Variants in ZDHHC7 observed in about 807,000 individuals in gnomAD.
ZDHHC7 encodes the protein zDHHC palmitoyltransferase 7.
A neutral mutation model predicts 34.1 loss-of-function variants in ZDHHC7; 12 were observed. The ratio of observed to expected loss-of-function variants is 0.35; its 90% confidence interval spans 0.23 to 0.57. The LOEUF (loss-of-function observed/expected upper bound fraction) is 0.57. ZDHHC7 is among the 20% of genes least tolerant of loss of function. The pLI, the probability that ZDHHC7 is intolerant of heterozygous loss-of-function variation, is 0.84. For missense variants in ZDHHC7, 388 were observed against 402.7 expected, an observed-to-expected ratio of 0.96 and a Z score of 0.31; for synonymous variants, 185 against 155.4, an observed-to-expected ratio of 1.19 and a Z score of -1.42.
chr16:84,986,848 G>A (rs1476701630), intron 3 of ZDHHC7, among the ~76,000 whole-genome samples: 1 of 152,222 alleles, frequency 6.6e-6, no homozygotes, highest in African/African-American at 2.4e-5. Flanking sequence ...CAGAGGTGAT[G>A]TGATGGTTCT....
At chr16:84,999,453 C>A (rs1339767002) in intron 1 of ZDHHC7, among the ~76,000 whole-genome samples, 2 of 152,122 alleles carry the variant, frequency 1.3e-5, no homozygotes, top group African/African-American at 4.8e-5. Context: ...TACCCCCAAA[C>A]TGAAAACAAC....
At chr16:84,991,551 G>A (rs925622673) in intron 2 of ZDHHC7, among the ~76,000 whole-genome samples, 4 of 152,058 alleles carry the variant, frequency 2.6e-5, no homozygotes, top group Non-Finnish European at 5.9e-5. Flanking sequence ...GCCTCCCAAA[G>A]TGCTGGGATT....
chr16:85,003,967 TC>T (rs1479365248), intron 1 of ZDHHC7, among the ~76,000 whole-genome samples: 1 of 152,090 alleles, frequency 6.6e-6, no homozygotes, highest in Non-Finnish European at 1.5e-5. Context: ...TCCTCGGCCT[TC>T]CCTTCATCTA....
chr16:84,991,296 C>CT (rs962932479), intron 2 of ZDHHC7, among the ~76,000 whole-genome samples: 7 of 151,816 alleles, frequency 4.6e-5, no homozygotes, highest in African/African-American at 7.3e-5. Flanking sequence ...CTATTTTAAT[C>CT]TTTTTTTTGA....
At chr16:84,979,947 ACCT>A (rs2072345127) in intron 4 of ZDHHC7, among the ~76,000 whole-genome samples, 1 of 123,386 alleles carries the variant, frequency 8.1e-6, no homozygotes, top group African/African-American at 3.7e-5. Context: ...TCATAGCGTC[ACCT>A]TTTTTTTTTT....
upstream of ZDHHC7, among the ~76,000 whole-genome samples, chr16:85,013,231 C>T (rs2072816993): frequency 6.6e-6 from 1 of 152,026 alleles, no homozygotes; most frequent in Admixed American, 6.6e-5. Context: ...AAGTATTGTT[C>T]TTTTATTATT....
chr16:85,021,877 C>T, the ZDHHC7 span, among the ~76,000 whole-genome samples: 12 of 151,920 alleles, frequency 7.9e-5, no homozygotes, highest in East Asian at 2.3e-3. Flanking sequence ...CAAAGACAGG[C>T]CGGGCGCAGT....
rs1003436220 is a variant in ZDHHC7, at chr16:85,009,533, G to T, written c.-104+1753C>A. Reference sequence around the variant, plus strand: ...CATTGTTACTTAGCGAATCCTTTGGGAATTACCTTTTCAAATAGTCTTCTT... The same window carrying T: ...CATTGTTACTTAGCGAATCCTTTGGTAATTACCTTTTCAAATAGTCTTCTT... On this transcript the variant is annotated intron_variant, in intron 1 of 7. Coordinates refer to ENST00000313732, the MANE Select transcript of ZDHHC7 (RefSeq NM_017740.3). Among the ~76,000 whole-genome samples, 3 of 150,858 alleles carry T rather than the reference G, an allele frequency of 2.0e-5. No homozygotes were observed. In the East Asian group the frequency reaches 5.8e-4, roughly 29 times the overall value.
intron 3 of ZDHHC7, chr16:84,988,650 A>C: frequency 1.1e-6 from 1 of 881,084 alleles, no homozygotes; most frequent in Middle Eastern, 3.4e-4. Context: ...GAGTAGCTGT[A>C]GAGTCTGAGC....
chr16:84,982,725 C>T (rs1306894925), intron 3 of ZDHHC7, among the ~76,000 whole-genome samples: 5 of 152,252 alleles, frequency 3.3e-5, no homozygotes, highest in African/African-American at 2.4e-5. Flanking sequence ...CCACCTGACC[C>T]GATTCATGTC....
chr16:84,996,959 G>A (rs1462258760), intron 1 of ZDHHC7, among the ~76,000 whole-genome samples: 1 of 151,600 alleles, frequency 6.6e-6, no homozygotes, highest in Non-Finnish European at 1.5e-5. Flanking sequence ...CCACGAGGCG[G>A]AGGTTGCAGT....
chr16:84,978,916 T>C (rs944008192), intron 5 of ZDHHC7, among the ~76,000 whole-genome samples: 4 of 151,826 alleles, frequency 2.6e-5, no homozygotes, highest in Non-Finnish European at 4.4e-5. Flanking sequence ...TCTAACATAC[T>C]TTAGGAAGAT....
rs1234959167 is a variant in ZDHHC7, at chr16:84,996,932, C to T, written c.-103-925G>A. ...ATCCCAGCTACTCGGGAGGCTGTGG[C>T]AGAGAACTGCTTGAACCCACGAGGC... On this transcript the variant is annotated intron_variant, in intron 1 of 7. Coordinates refer to ENST00000313732, the MANE Select transcript of ZDHHC7 (RefSeq NM_017740.3). Among the ~76,000 whole-genome samples the T allele has an allele frequency of 2.6e-5, 4 of 151,378 alleles. No individual in the cohort carries two copies. The South Asian group carries it at 8.3e-4, about 32-fold the overall frequency.
chr16:84,982,024 G>A lies in ZDHHC7; in HGVS notation c.316-30C>T, dbSNP rs776025398. 19 of 1,612,896 alleles carry A rather than the reference G, an allele frequency of 1.2e-5. No homozygotes were observed. The East Asian group carries it at 3.1e-4, about 27-fold the overall frequency. On this transcript the variant is annotated intron_variant, in intron 3 of 7. Transcript: ENST00000313732. ...CATATAAGAAGAATGTACTTTAGTT[G>A]GGGAGAATGAAAGTTAAAAACATCA...
upstream of ZDHHC7, among the ~76,000 whole-genome samples, chr16:85,012,380 CAAAA>C (rs34555910): frequency 1.7e-5 from 2 of 116,628 alleles, no homozygotes. Flanking sequence ...TGAACAGTCT[CAAAA>C]AAAAAAAAAA....
chr16:84,982,154 G>C (rs1366146515), intron 3 of ZDHHC7, 160 bp from the exon 4 acceptor site: 5 of 803,234 alleles, frequency 6.2e-6, no homozygotes, highest in Non-Finnish European at 9.4e-6. Flanking sequence ...ACCCAGCCTG[G>C]TCAACATGGT....
At chr16:84,986,755 G>A (rs1174285672) in intron 3 of ZDHHC7, among the ~76,000 whole-genome samples, 3 of 152,180 alleles carry the variant, frequency 2.0e-5, no homozygotes, top group Non-Finnish European at 4.4e-5. Flanking sequence ...CAATCCCAGC[G>A]AGGACTGCCC....
chr16:85,001,547 AAGAGG>A (rs890271543), intron 1 of ZDHHC7, among the ~76,000 whole-genome samples: 2 of 151,940 alleles, frequency 1.3e-5, no homozygotes, highest in Admixed American at 6.6e-5. Flanking sequence ...CCAGGTAAGC[AAGAGG>A]AGGAAGCTAG....
At chr16:84,982,028 A>G in intron 3 of ZDHHC7, 34 bp from the exon 4 acceptor site, 2 of 1,612,704 alleles carry the variant, frequency 1.2e-6, no homozygotes, top group Non-Finnish European at 1.7e-6. Context: ...TTAGTTGGGG[A>G]GAATGAAAGT....
Sources: gnomAD v4.1 joint callset for allele counts (sites outside exome capture counted in the v4.1 genomes callset) on GRCh38, gnomAD v4.1.1 for gene constraint, MANE v1.5 for transcripts, NCBI Gene and HGNC (gene_info 2026-07-23, HGNC 2026-07-21) for gene names.